The following NKAIN2 variants were observed in gnomAD, a reference collection of about 807,000 sequenced individuals.
NKAIN2 encodes sodium/potassium transporting ATPase interacting 2.
Under a neutral mutation model 32.6 loss-of-function variants are expected in NKAIN2, and 14 were observed. The observed-to-expected ratio is 0.43, with a 90% CI of 0.28 to 0.67. The LOEUF is 0.67. NKAIN2 is among the 30% of genes least tolerant of loss of function. The pLI, the probability that NKAIN2 is intolerant of heterozygous loss-of-function variation, is 0.17. For missense variants in NKAIN2, 198 were observed against 258.3 expected, an observed-to-expected ratio of 0.77 and a Z score of 1.60; for synonymous variants, 80 against 87.2, an observed-to-expected ratio of 0.92 and a Z score of 0.46.
At position 124,815,731 on chromosome 6, in the gene NKAIN2, A is replaced by C. The variant is rs192595397; in HGVS notation, c.536-2656A>C. Among the ~76,000 whole-genome samples the C allele has an allele frequency of 4.7e-3, 722 of 152,266 alleles. 3 individuals carry two copies. Among genetic ancestry groups the C allele is most frequent in the African/African-American group, 0.016 (677 of 41,560 alleles). The stretch of plus-strand genomic sequence containing the variant: ...TCTTTTGATCCATCTCCTGTAAAAT[A>C]CTTGCTATAGTTCTATAGTTGTCCC... On this transcript the variant is annotated intron_variant, in intron 5 of 6. Transcript: ENST00000368417.
At chr6:124,127,178 A>G (rs1562373328) in intron 1 of NKAIN2, among the ~76,000 whole-genome samples, 1 of 152,162 alleles carries the variant, frequency 6.6e-6, no homozygotes, top group Non-Finnish European at 1.5e-5. Flanking sequence ...TCCAGGTAAG[A>G]CTTGAGCTGT....
intron 4 of NKAIN2, among the ~76,000 whole-genome samples, chr6:124,686,436 C>T (rs1019749078): frequency 2.4e-4 from 36 of 151,972 alleles, no homozygotes; most frequent in African/African-American, 7.5e-4. Context: ...AGCAAACACC[C>T]GACATGACCA....
intron 4 of NKAIN2, among the ~76,000 whole-genome samples, chr6:124,663,378 C>A (rs1308387585): frequency 1.3e-5 from 2 of 151,824 alleles, no homozygotes; most frequent in Admixed American, 1.3e-4. Flanking sequence ...TTGCAGTGAG[C>A]CGAGATCATG....
intron 4 of NKAIN2, among the ~76,000 whole-genome samples, chr6:124,772,724 G>T (rs1562375101): frequency 6.6e-6 from 1 of 152,142 alleles, no homozygotes; most frequent in Non-Finnish European, 1.5e-5. Context: ...ATATGTAAAG[G>T]AAGAAGCAAA....
At chr6:123,971,271 A>G (rs2114636851) in intron 1 of NKAIN2, among the ~76,000 whole-genome samples, 1 of 152,214 alleles carries the variant, frequency 6.6e-6, no homozygotes, top group Admixed American at 6.5e-5. Flanking sequence ...TATTTAGCCT[A>G]GAAAGAATGT....
intron 3 of NKAIN2, among the ~76,000 whole-genome samples, chr6:124,542,418 C>T (rs1779945113): frequency 6.6e-6 from 1 of 151,946 alleles, no homozygotes; most frequent in Admixed American, 6.6e-5. Context: ...TATTTTTAGC[C>T]TCAACTAAAT....
chr6:124,438,264 T>A (rs1001032077), intron 3 of NKAIN2, among the ~76,000 whole-genome samples: 1 of 151,050 alleles, frequency 6.6e-6, no homozygotes, highest in African/African-American at 2.4e-5. Context: ...GCTTCTATAA[T>A]GTTTTTTTTC....
At chr6:124,306,364 T>A (rs1387371837) in intron 2 of NKAIN2, among the ~76,000 whole-genome samples, 2 of 152,150 alleles carry the variant, frequency 1.3e-5, no homozygotes, top group African/African-American at 4.8e-5. Context: ...TGAGTGAATA[T>A]ATATATATCT....
At chr6:124,194,828 C>G (rs1381644501) in intron 1 of NKAIN2, among the ~76,000 whole-genome samples, 1 of 151,962 alleles carries the variant, frequency 6.6e-6, no homozygotes, top group African/African-American at 2.4e-5. Context: ...AGCTGTCATG[C>G]CATGGACTGG....
chr6:123,880,026 A>C (rs1394084357), intron 1 of NKAIN2, among the ~76,000 whole-genome samples: 1 of 152,176 alleles, frequency 6.6e-6, no homozygotes, highest in Non-Finnish European at 1.5e-5. Flanking sequence ...ATACTACTGC[A>C]GTAGGAAACA....
intron 1 of NKAIN2, among the ~76,000 whole-genome samples, chr6:123,834,701 G>A (rs1309073256): frequency 1.3e-5 from 2 of 152,100 alleles, no homozygotes; most frequent in African/African-American, 4.8e-5. Context: ...CTAGCTGTAG[G>A]ATTTTTTGTA....
At position 124,428,215 on chromosome 6, in the gene NKAIN2, A is replaced by G. The variant is rs143131236; in HGVS notation, c.273+72868A>G. 5.0e-3 allele frequency among the ~76,000 whole-genome samples: 761 copies of G among 152,292 alleles called. 5 individuals carry two copies. Among genetic ancestry groups the G allele is most frequent in the African/African-American group, 0.017 (696 of 41,570 alleles). On this transcript the variant is annotated intron_variant, in intron 3 of 6. Coordinates refer to ENST00000368417, the MANE Select transcript of NKAIN2 (RefSeq NM_001040214.3). Reference sequence around the variant, plus strand: ...TTCCTTTCACTCCTTCCATCTCCTAAGTACCATAAACTGAGTTTTTAAACA... The same window carrying G: ...TTCCTTTCACTCCTTCCATCTCCTAGGTACCATAAACTGAGTTTTTAAACA...
intron 3 of NKAIN2, among the ~76,000 whole-genome samples, chr6:124,609,834 C>G (rs143573385): frequency 6.6e-4 from 101 of 152,270 alleles, no homozygotes; most frequent in African/African-American, 2.3e-3. Flanking sequence ...CGGGGCCAGA[C>G]TGCCTGAATT....
At position 124,781,016 on chromosome 6, in the gene NKAIN2, G is replaced by T. The variant is rs552067877; in HGVS notation, c.475-10323G>T. ...TGTTTCTTGATGATTTCCAAGCTCT[G>T]CTAATTCAAAGCTCAGTATTATCAT... is the stretch of plus-strand genomic sequence containing the variant. On this transcript the variant is annotated intron_variant, in intron 4 of 6. Coordinates refer to ENST00000368417, the MANE Select transcript of NKAIN2 (RefSeq NM_001040214.3). Among the ~76,000 whole-genome samples, 14 of 152,312 alleles carry T rather than the reference G, an allele frequency of 9.2e-5. 1 individual carries two copies. In the South Asian group the frequency reaches 2.9e-3, roughly 32 times the overall value.
chr6:124,771,188 C>G (rs574071303), intron 4 of NKAIN2, among the ~76,000 whole-genome samples: 1 of 152,164 alleles, frequency 6.6e-6, no homozygotes, highest in South Asian at 2.1e-4. Flanking sequence ...TTTAGAGAAT[C>G]TGTACCTTTG....
chr6:124,817,951 T>C (rs1328145170), intron 5 of NKAIN2, among the ~76,000 whole-genome samples: 2 of 152,190 alleles, frequency 1.3e-5, no homozygotes, highest in African/African-American at 4.8e-5. Flanking sequence ...ATATTATTAC[T>C]AGTGCTGCAA....
At chr6:124,333,686 CATAAATAA>C (rs1280809592) in intron 2 of NKAIN2, among the ~76,000 whole-genome samples, 1 of 111,742 alleles carries the variant, frequency 8.9e-6, no homozygotes, top group Non-Finnish European at 2.1e-5. Context: ...TAAATAAATA[CATAAATAA>C]ATAAAATAAA....
intron 1 of NKAIN2, among the ~76,000 whole-genome samples, chr6:124,033,992 A>G (rs1341035762): frequency 6.6e-6 from 1 of 152,130 alleles, no homozygotes; most frequent in East Asian, 1.9e-4. Flanking sequence ...TTGTGCTTTG[A>G]TAACAGCATG....
intron 1 of NKAIN2, among the ~76,000 whole-genome samples, chr6:124,172,840 T>G (rs1162526722): frequency 6.6e-6 from 1 of 152,144 alleles, no homozygotes. Flanking sequence ...TATTCAGAAA[T>G]CAGTTTCTAT....
Sources: gnomAD v4.1 joint callset for allele counts (sites outside exome capture counted in the v4.1 genomes callset) on GRCh38, gnomAD v4.1.1 for gene constraint, MANE v1.5 for transcripts, NCBI Gene and HGNC (gene_info 2026-07-23, HGNC 2026-07-21) for gene names.